Variants in HNRNPUL2 observed in about 807,000 individuals in gnomAD.
HNRNPUL2 encodes the protein heterogeneous nuclear ribonucleoprotein U like 2, also known as heterogeneous nuclear ribonucleoprotein U-like protein 2.
Under a neutral mutation model 102.2 loss-of-function variants are expected in HNRNPUL2, and 27 were observed. That is an observed-to-expected ratio of 0.26 (90% CI 0.19 to 0.36). The LOEUF is 0.36. Ranked by LOEUF, HNRNPUL2 falls within the 10% of genes least tolerant of loss-of-function variation. The pLI is 1.00. For missense variants in HNRNPUL2, 936 were observed against 981.1 expected (o/e 0.95, Z 0.61); for synonymous variants, 458 against 387.2 (o/e 1.18, Z -2.15).
intron 10 of HNRNPUL2, among the ~76,000 whole-genome samples, chr11:62,718,498 C>G (rs1481027938): frequency 6.6e-6 from 1 of 151,834 alleles, no homozygotes; most frequent in South Asian, 2.1e-4. Context: ...GTCAGGAGTT[C>G]GAGACCAGCC....
chr11:62,724,179 T>TAAA, intron 2 of HNRNPUL2, 112 bp downstream of exon 2: 1 of 1,419,016 alleles, frequency 7.0e-7, no homozygotes, highest in Non-Finnish European at 9.8e-7. Flanking sequence ...CTCATGCCTA[T>TAAA]AAAAACCTAT....
At position 62,727,399 on chromosome 11, in the gene HNRNPUL2, C is replaced by G. The variant is rs1273922148; in HGVS notation, c.-243G>C. 2 of 400,344 alleles carry G rather than the reference C, an allele frequency of 5.0e-6. No individual in the cohort carries two copies. The highest frequency in any genetic ancestry group is 8.0e-6 in the Non-Finnish European group (2 of 248,728). 24.8% of individuals were successfully genotyped at this position (400,344 alleles called of 1,614,324 possible). A position where few individuals can be genotyped will look rare whatever the true frequency, so the allele number is the denominator to read the frequency against. ...GAGCCCAAAACAACGCAGCAGGGAG[C>G]TGTTTCCCCTCCAGGCCCTTGGTTC... On this transcript the variant is annotated 5_prime_UTR_variant, in exon 1 of 14. Transcript: ENST00000301785.
Position 62,727,052 on chromosome 11 carries a change from C to T in HNRNPUL2, c.105G>A (p.Glu35=), listed in dbSNP as rs921852199. 8.5e-6 allele frequency: 12 copies of T among 1,419,880 alleles called. No homozygotes were observed. The highest frequency in any genetic ancestry group is 1.1e-5 in the Non-Finnish European group (12 of 1,085,204). The allele number at this position is 1,419,880 out of a possible 1,614,324, so 88.0% of individuals were successfully genotyped here. Reference sequence around the variant, plus strand: ...CCTCGAGCATCTCGGCGTCCAGCGCCTCCTGCAGCCGCTGCGCCAGATCCA... The same window carrying T: ...CCTCGAGCATCTCGGCGTCCAGCGCTTCCTGCAGCCGCTGCGCCAGATCCA... ...LKVDLAQRLQ[E]ALDAEMLEDE... is the part of the protein sequence containing the mutation. Residue 35 remains glutamate (E), a synonymous_variant, in exon 1 of 14, where the codon GAG becomes GAA. Transcript: ENST00000301785.
At position 62,727,043 on chromosome 11, in the gene HNRNPUL2, G is replaced by A. The variant is rs1590903660; in HGVS notation, c.114C>T (p.Asp38=). 2 of 1,405,982 alleles carry A rather than the reference G, an allele frequency of 1.4e-6. No homozygotes were observed. The highest frequency in any genetic ancestry group is 1.4e-5 in the South Asian group (1 of 69,458). 87.1% of individuals were successfully genotyped at this position (1,405,982 alleles called of 1,614,324 possible). Residue 38 remains aspartate, a synonymous_variant, in exon 1 of 14, where the codon GAC becomes GAT. Transcript: ENST00000301785. ...DLAQRLQEAL[D]AEMLEDEAGG... ...CGGCCTCGTCCTCGAGCATCTCGGC[G>A]TCCAGCGCCTCCTGCAGCCGCTGCG...
intron 5 of HNRNPUL2, 25 bp downstream of exon 5, chr11:62,722,788 G>A (rs538057415): frequency 2.7e-5 from 44 of 1,610,882 alleles, no homozygotes; most frequent in Non-Finnish European, 3.6e-5. Flanking sequence ...AAACACTAAT[G>A]AGGAACTTAA....
At chr11:62,716,955 T>G (rs2134769362) in intron 11 of HNRNPUL2, 34 bp downstream of exon 11, 1 of 1,609,982 alleles carries the variant, frequency 6.2e-7, no homozygotes. Flanking sequence ...AAGAATGGAC[T>G]GAAGTAGGGG....
In HNRNPUL2 at chr11:62,717,196, G is replaced by A. The variant is rs752374816; in HGVS notation, c.1781-7C>T. ...TCAGGCAAAGAGAAGTTGGCTATAA[G>A]AGTAAGAGAGAAGCTTGTGGGCCTG... On this transcript the variant is annotated splice_region_variant and splice_polypyrimidine_tract_variant and intron_variant, in intron 10 of 13. Coordinates refer to ENST00000301785, the MANE Select transcript of HNRNPUL2 (RefSeq NM_001079559.3). 19 of 1,610,738 alleles carry A rather than the reference G, an allele frequency of 1.2e-5. No homozygotes were observed. Among genetic ancestry groups the A allele is most frequent in the Non-Finnish European group, 1.4e-5 (17 of 1,177,972 alleles).
chr11:62,719,462 A>G (rs1039295349), intron 10 of HNRNPUL2, among the ~76,000 whole-genome samples: 1 of 152,162 alleles, frequency 6.6e-6, no homozygotes, highest in Non-Finnish European at 1.5e-5. Context: ...AAACCAAACC[A>G]AAACAAACCA....
chr11:62,718,509 T>C (rs187082264), intron 10 of HNRNPUL2, among the ~76,000 whole-genome samples: 2 of 152,030 alleles, frequency 1.3e-5, no homozygotes, highest in African/African-American at 4.8e-5. Context: ...GAGACCAGCC[T>C]GACCAACATG....
Position 62,715,287 on chromosome 11 carries a change from A to G in HNRNPUL2, c.*12T>C. 3 of 1,603,900 alleles carry G rather than the reference A, an allele frequency of 1.9e-6. No homozygotes were observed. The highest frequency in any genetic ancestry group is 2.6e-6 in the Non-Finnish European group (3 of 1,173,856). On this transcript the variant is annotated 3_prime_UTR_variant, in exon 14 of 14. Transcript: ENST00000301785. ...TCAGCTTCATGGCTGACAGGTGACC[A>G]TGGCAGGGGCTTCACCGATACCCTT...
chr11:62,714,135 C>CCT lies in HNRNPUL2; in HGVS notation c.*1163_*1164insAG. ...TTCAGCAGCCCCACTGAGCTGCCTC[C>CCT]CACCCCCCCCCACCACCCTCCCCTC... is the stretch of plus-strand genomic sequence containing the variant. On this transcript the variant is annotated 3_prime_UTR_variant, in exon 14 of 14. Transcript: ENST00000301785. The CCT allele has an allele frequency of 7.5e-6, 1 of 132,600 alleles. No individual in the cohort carries two copies. Among genetic ancestry groups the CCT allele is most frequent in the Non-Finnish European group, 1.7e-5 (1 of 59,214 alleles). The allele number at this position is 132,600 out of a possible 1,614,324, so 8.2% of individuals were successfully genotyped here. A position where few individuals can be genotyped will look rare whatever the true frequency, so the allele number is the denominator to read the frequency against.
chr11:62,720,583 G>A (rs567241747), intron 9 of HNRNPUL2, among the ~76,000 whole-genome samples: 1 of 143,056 alleles, frequency 7.0e-6, no homozygotes, highest in Non-Finnish European at 1.5e-5. Context: ...AAGGCCGGGC[G>A]TGACAGCTCA....
chr11:62,719,898 G>A, intron 10 of HNRNPUL2, 125 bp downstream of exon 10: 1 of 856,788 alleles, frequency 1.2e-6, no homozygotes, highest in Non-Finnish European at 1.8e-6. Context: ...GACCTCACCA[G>A]ATGCTAATGC....
In HNRNPUL2 at chr11:62,722,104, C is replaced by T; in HGVS notation, c.1359+13G>A. ...AGCATACAACCTCAGTGTTCGTATACTGTTTGGCATACCTCACATTCCTCT... is the reference window on the plus strand; with the variant it reads ...AGCATACAACCTCAGTGTTCGTATATTGTTTGGCATACCTCACATTCCTCT... On this transcript the variant is annotated intron_variant, in intron 7 of 13. Coordinates refer to ENST00000301785, the MANE Select transcript of HNRNPUL2 (RefSeq NM_001079559.3). 1.2e-6 allele frequency: 2 copies of T among 1,612,032 alleles called. No individual in the cohort carries two copies. Among genetic ancestry groups the T allele is most frequent in the Non-Finnish European group, 1.7e-6 (2 of 1,178,650 alleles).
intron 10 of HNRNPUL2, among the ~76,000 whole-genome samples, chr11:62,719,495 T>C (rs767487735): frequency 1.1e-4 from 17 of 152,146 alleles, no homozygotes; most frequent in Non-Finnish European, 2.1e-4. Context: ...GTCAAAATTA[T>C]TGCTTCTCTC....
At position 62,714,137 on chromosome 11, in the gene HNRNPUL2, A is replaced by ACCC. The variant is rs59226130; in HGVS notation, c.*1159_*1161dup. On this transcript the variant is annotated 3_prime_UTR_variant, in exon 14 of 14. Coordinates refer to ENST00000301785, the MANE Select transcript of HNRNPUL2 (RefSeq NM_001079559.3). ...CAGCAGCCCCACTGAGCTGCCTCCC[A>ACCC]CCCCCCCCCACCACCCTCCCCTCTT... The ACCC allele has an allele frequency of 1.6e-3, 143 of 87,906 alleles. No homozygotes were observed. The highest frequency in any genetic ancestry group is 2.9e-3 in the South Asian group (7 of 2,386). The allele number at this position is 87,906 out of a possible 1,614,324, so 5.4% of individuals were successfully genotyped here.
At chr11:62,726,220 G>A (rs189824590) in intron 1 of HNRNPUL2, among the ~76,000 whole-genome samples, 2 of 152,192 alleles carry the variant, frequency 1.3e-5, no homozygotes, top group African/African-American at 4.8e-5. Context: ...CGGCGAAAAA[G>A]TTAGGTCAGG....
intron 10 of HNRNPUL2, 67 bp downstream of exon 10, chr11:62,719,956 A>G: frequency 2.1e-6 from 3 of 1,445,040 alleles, no homozygotes; most frequent in Non-Finnish European, 2.9e-6. Context: ...ATAAACCTCT[A>G]TTACTTACAA....
rs1173216160 is a variant in HNRNPUL2, at chr11:62,714,093, TCA to T, written c.*1204_*1205del. 6.6e-6 allele frequency: 1 copy of T among 151,770 alleles called. No homozygotes were observed. Among genetic ancestry groups the T allele is most frequent in the Non-Finnish European group, 1.5e-5 (1 of 67,986 alleles). 9.4% of individuals were successfully genotyped at this position (151,770 alleles called of 1,614,324 possible). On this transcript the variant is annotated 3_prime_UTR_variant, in exon 14 of 14. Coordinates refer to ENST00000301785, the MANE Select transcript of HNRNPUL2 (RefSeq NM_001079559.3). ...CACGCACATTTACACACGTTCACAC[TCA>T]CACTCTTCCCAAGGTTCAGCAGCCC...
Sources: allele counts gnomAD v4.1 joint callset (sites outside exome capture counted in the v4.1 genomes callset), GRCh38; gene constraint gnomAD v4.1.1; transcripts MANE v1.5; gene names NCBI Gene and HGNC (gene_info 2026-07-23, HGNC 2026-07-21).